The following RBMS3 variants were observed in gnomAD, a reference collection of about 807,000 sequenced individuals.
RBMS3 encodes RNA binding motif single stranded interacting protein 3.
Under a neutral mutation model 66.8 loss-of-function variants are expected in RBMS3, and 27 were observed. The observed-to-expected ratio is 0.40, with a 90% confidence interval of 0.30 to 0.56. The LOEUF (loss-of-function observed/expected upper bound fraction) is 0.56. Among genes scored for constraint, RBMS3 ranks in the 20% least tolerant of loss-of-function variants. RBMS3 has a pLI of 0.40. For synonymous variants in RBMS3, 188 were observed against 183.0 expected, an observed-to-expected ratio of 1.03 and a Z score of -0.22; for missense variants, 513 against 549.5, an observed-to-expected ratio of 0.93 and a Z score of 0.66.
intron 3 of RBMS3, among the ~76,000 whole-genome samples, chr3:29,507,395 A>C (rs955912528): frequency 1.3e-5 from 2 of 152,118 alleles, no homozygotes; most frequent in Non-Finnish European, 2.9e-5. Flanking sequence ...GAAATGGCTA[A>C]ACTCTGGTTA....
At chr3:29,941,505 A>T (rs1242440419) in intron 11 of RBMS3, among the ~76,000 whole-genome samples, 3 of 151,840 alleles carry the variant, frequency 2.0e-5, no homozygotes, top group African/African-American at 7.2e-5. Context: ...CAGAAAATAT[A>T]TCTAAAAAGG....
Position 29,396,714 on chromosome 3 carries a change from T to C in RBMS3, c.76-38029T>C, listed in dbSNP as rs141503193. 9.4e-3 allele frequency among the ~76,000 whole-genome samples: 1,426 copies of C among 152,300 alleles called. 17 individuals carry two copies. Among genetic ancestry groups the C allele is most frequent in the Middle Eastern group, 0.051 (15 of 294 alleles). Reference sequence around the variant, plus strand: ...ATAGTAGGTGAATCTAGGGAAAAGATATATTCTTGCATTTTCTTTGTACTA... The same window carrying C: ...ATAGTAGGTGAATCTAGGGAAAAGACATATTCTTGCATTTTCTTTGTACTA... On this transcript the variant is annotated intron_variant, in intron 1 of 14. Coordinates refer to ENST00000383767, the MANE Select transcript of RBMS3 (RefSeq NM_001003793.3).
intron 7 of RBMS3, among the ~76,000 whole-genome samples, chr3:29,876,852 C>A (rs2059620424): frequency 2.6e-5 from 4 of 151,598 alleles, no homozygotes; most frequent in Admixed American, 2.6e-4. Context: ...GATGTGGAGA[C>A]CAACAGGTAC....
chr3:29,539,284 T>A (rs1053470649), intron 3 of RBMS3, among the ~76,000 whole-genome samples: 1 of 152,268 alleles, frequency 6.6e-6, no homozygotes, highest in African/African-American at 2.4e-5. Context: ...GCAGCCTTCC[T>A]TGTTTTTAAA....
intron 3 of RBMS3, among the ~76,000 whole-genome samples, chr3:29,513,040 AC>A (rs1257415496): frequency 6.6e-6 from 1 of 152,052 alleles, no homozygotes; most frequent in Admixed American, 6.6e-5. Context: ...TTTCAGCAAG[AC>A]CCCTCAGCAG....
intron 6 of RBMS3, among the ~76,000 whole-genome samples, chr3:29,835,342 A>G (rs1429043591): frequency 1.3e-5 from 2 of 152,026 alleles, no homozygotes; most frequent in African/African-American, 4.8e-5. Context: ...TATTCTTCTC[A>G]AGCATACACA....
intron 3 of RBMS3, among the ~76,000 whole-genome samples, chr3:29,568,909 C>T (rs1418888641): frequency 6.6e-6 from 1 of 152,138 alleles, no homozygotes; most frequent in East Asian, 1.9e-4. Flanking sequence ...GTAGCAGGTG[C>T]AGTCCTGACT....
At chr3:29,988,107 C>G (rs933152688) in intron 12 of RBMS3, 36 bp from the exon 13 acceptor site, 1 of 1,533,984 alleles carries the variant, frequency 6.5e-7, no homozygotes, top group Non-Finnish European at 9.0e-7. Context: ...GGTTGCAGCT[C>G]AAAGTTCACA....
intron 3 of RBMS3, among the ~76,000 whole-genome samples, chr3:29,502,736 C>A (rs553123045): frequency 6.6e-6 from 1 of 152,100 alleles, no homozygotes. Context: ...TGGCAAATGT[C>A]TAGCTTTCTA....
At position 29,497,973 on chromosome 3, in the gene RBMS3, A is replaced by ATTTTTTTTTTT. The variant is rs779555263; in HGVS notation, c.307+9501_307+9511dup. 3.8e-3 allele frequency among the ~76,000 whole-genome samples: 167 copies of ATTTTTTTTTTT among 43,434 alleles called. 53 individuals carry two copies. Among genetic ancestry groups the ATTTTTTTTTTT allele is most frequent in the East Asian group, 0.011 (14 of 1,330 alleles). 28.5% of individuals were successfully genotyped at this position (43,434 alleles called of 152,430 possible). On this transcript the variant is annotated intron_variant, in intron 3 of 14. Coordinates refer to ENST00000383767, the MANE Select transcript of RBMS3 (RefSeq NM_001003793.3). The stretch of plus-strand genomic sequence containing the variant: ...TCAGAGTTATTCTCTAAAAGTATTC[A>ATTTTTTTTTTT]TTTTTTTTTTTTTTTTTTTTTTTTT...
intron 12 of RBMS3, among the ~76,000 whole-genome samples, chr3:29,969,970 C>T (rs539310740): frequency 1.3e-5 from 2 of 152,146 alleles, no homozygotes; most frequent in South Asian, 2.1e-4. Context: ...ATCCTTGAGA[C>T]AAGACTTAAG....
At chr3:29,433,806 C>A (rs1320550833) in intron 1 of RBMS3, among the ~76,000 whole-genome samples, 1 of 152,130 alleles carries the variant, frequency 6.6e-6, no homozygotes, top group Non-Finnish European at 1.5e-5. Context: ...TTGTTTATTG[C>A]AATTTTCTGG....
At chr3:29,604,195 TCTTG>T (rs1317294698) in intron 4 of RBMS3, among the ~76,000 whole-genome samples, 1 of 151,988 alleles carries the variant, frequency 6.6e-6, no homozygotes, top group Non-Finnish European at 1.5e-5. Context: ...ATCTTAATTT[TCTTG>T]CTCTCCATAA....
chr3:29,595,087 T>G (rs987001494), intron 4 of RBMS3, among the ~76,000 whole-genome samples: 1 of 152,210 alleles, frequency 6.6e-6, no homozygotes, highest in African/African-American at 2.4e-5. Flanking sequence ...TGTGTGGAAT[T>G]CAAGTTCTTT....
intron 9 of RBMS3, among the ~76,000 whole-genome samples, chr3:29,898,323 A>G (rs1172624124): frequency 6.6e-6 from 1 of 151,700 alleles, no homozygotes; most frequent in Non-Finnish European, 1.5e-5. Context: ...AGAAAGAGAA[A>G]GAGAGAATGC....
At chr3:29,657,988 G>A (rs2050384626) in intron 4 of RBMS3, among the ~76,000 whole-genome samples, 1 of 152,110 alleles carries the variant, frequency 6.6e-6, no homozygotes, top group Non-Finnish European at 1.5e-5. Context: ...ATCCCCCAAC[G>A]ATTGTCTGTC....
intron 4 of RBMS3, among the ~76,000 whole-genome samples, chr3:29,738,943 A>G (rs1212921943): frequency 4.6e-5 from 7 of 152,160 alleles, no homozygotes; most frequent in East Asian, 1.9e-4. Flanking sequence ...TTAGGGATCA[A>G]TTTTGTCATC....
At chr3:29,822,143 CT>C (rs915188312) in intron 6 of RBMS3, among the ~76,000 whole-genome samples, 1 of 152,140 alleles carries the variant, frequency 6.6e-6, no homozygotes, top group Admixed American at 6.5e-5. Context: ...AGGTGCTTCT[CT>C]TTTTTTCACA....
intron 4 of RBMS3, among the ~76,000 whole-genome samples, chr3:29,723,127 C>A (rs2053715547): frequency 6.7e-6 from 1 of 149,824 alleles, no homozygotes; most frequent in African/African-American, 2.5e-5. Context: ...AGGCGCACAT[C>A]CCCACGCCTG....
Sources: allele counts gnomAD v4.1 joint callset (sites outside exome capture counted in the v4.1 genomes callset), GRCh38; gene constraint gnomAD v4.1.1; transcripts MANE v1.5; gene names NCBI Gene and HGNC (gene_info 2026-07-23, HGNC 2026-07-21).